SEZ6L: variants seen among roughly 807,000 people sequenced by gnomAD.
SEZ6L encodes seizure 6-like protein.
SEZ6L carries 37 observed loss-of-function variants against 106.2 expected under a neutral mutation model. The observed-to-expected ratio is 0.35, with a 90% CI of 0.27 to 0.46. The LOEUF (loss-of-function observed/expected upper bound fraction) is 0.46, where lower values mean the gene tolerates loss of function less well. SEZ6L is among the 20% of genes least tolerant of loss of function. The pLI, the probability that SEZ6L is intolerant of heterozygous loss-of-function variation, is 1.00. For synonymous variants in SEZ6L, 541 were observed against 570.4 expected (o/e 0.95, Z 0.73); for missense variants, 1,172 against 1,332.8 (o/e 0.88, Z 1.88).
rs1346118410 is a variant in SEZ6L at position 26,375,646 on chromosome 22, A to G, written c.2899A>G (p.Ile967Val). The G allele has an allele frequency of 6.8e-6, 11 of 1,614,112 alleles. No homozygotes were observed. The highest frequency in any genetic ancestry group is 1.1e-5 in the South Asian group (1 of 91,082). Residue 967 changes from isoleucine to valine, a missense_variant, in exon 15 of 17, where the codon ATC becomes GTC. By Grantham distance (29) the Ile-to-Val change is conservative. This residue lies in a region of SEZ6L where 141 missense variants were observed against 176.0 expected (regional missense o/e 0.80). Transcript: ENST00000248933. ...CCTGGCTATCTTCATCCCGGTCCTC[A>G]TCATCTCCTTACTGCTGGGAGGAGC... ...MALAIFIPVL[I>V]ISLLLGGAYI...
intron 9 of SEZ6L, among the ~76,000 whole-genome samples, chr22:26,323,767 TTA>T (rs773113638): frequency 3.8e-4 from 58 of 151,400 alleles, no homozygotes; most frequent in Non-Finnish European, 3.8e-4. Flanking sequence ...CTGGCACACA[TTA>T]TCTCATTGAT....
At chr22:26,316,646 A>T (rs1279558081) in intron 9 of SEZ6L, among the ~76,000 whole-genome samples, 7 of 152,080 alleles carry the variant, frequency 4.6e-5, no homozygotes, top group Admixed American at 4.6e-4. Context: ...AGCCCAGCCA[A>T]CATGGTGAAA....
intron 1 of SEZ6L, among the ~76,000 whole-genome samples, chr22:26,190,898 A>G (rs1403290695): frequency 6.6e-6 from 1 of 152,216 alleles, no homozygotes; most frequent in Non-Finnish European, 1.5e-5. Context: ...AAATGACCCA[A>G]TTGTGAATTA....
chr22:26,178,475 T>C (rs928719179), intron 1 of SEZ6L, among the ~76,000 whole-genome samples: 9 of 152,098 alleles, frequency 5.9e-5, no homozygotes, highest in African/African-American at 2.2e-4. Flanking sequence ...GCTAATGTAG[T>C]TGGTGCCAGC....
intron 12 of SEZ6L, among the ~76,000 whole-genome samples, chr22:26,352,784 A>G (rs1483604001): frequency 6.6e-6 from 1 of 152,202 alleles, no homozygotes; most frequent in African/African-American, 2.4e-5. Flanking sequence ...ACAAAAATGG[A>G]GATGTCTGTT....
chr22:26,268,193 A>T (rs987630006), intron 1 of SEZ6L, among the ~76,000 whole-genome samples: 1 of 152,224 alleles, frequency 6.6e-6, no homozygotes, highest in African/African-American at 2.4e-5. Context: ...AGGTGGGAAG[A>T]TGGATTGGCC....
intron 6 of SEZ6L, 114 bp from the exon 7 acceptor site, chr22:26,310,556 G>A (rs1404008108): frequency 8.6e-7 from 1 of 1,160,474 alleles, no homozygotes; most frequent in African/African-American, 1.6e-5. Flanking sequence ...GGCAGAGTTA[G>A]GTTTGGGATC....
intron 7 of SEZ6L, 47 bp from the exon 8 acceptor site, chr22:26,311,721 G>A (rs369232722): frequency 7.9e-6 from 12 of 1,523,078 alleles, no homozygotes; most frequent in Non-Finnish European, 1.1e-5. Flanking sequence ...GCACCGTGGG[G>A]TAGTCCCTGC....
At chr22:26,213,530 C>G (rs1277834284) in intron 1 of SEZ6L, among the ~76,000 whole-genome samples, 1 of 152,228 alleles carries the variant, frequency 6.6e-6, no homozygotes, top group African/African-American at 2.4e-5. Flanking sequence ...AGTTCATTCA[C>G]AGATCACTAA....
intron 1 of SEZ6L, among the ~76,000 whole-genome samples, chr22:26,283,121 C>CA (rs1423719730): frequency 2.6e-5 from 4 of 152,010 alleles, no homozygotes; most frequent in Admixed American, 6.6e-5. Flanking sequence ...GGGGTTTCAC[C>CA]ATATTGGCCA....
chr22:26,352,712 T>G (rs1197946634), intron 12 of SEZ6L, among the ~76,000 whole-genome samples: 1 of 152,244 alleles, frequency 6.6e-6, no homozygotes, highest in African/African-American at 2.4e-5. Flanking sequence ...GAGCACTTAC[T>G]GTAGGCCAGG....
intron 1 of SEZ6L, among the ~76,000 whole-genome samples, chr22:26,243,083 C>T (rs1451716558): frequency 6.6e-6 from 1 of 152,178 alleles, no homozygotes; most frequent in Non-Finnish European, 1.5e-5. Context: ...TTCTTTGTCT[C>T]TGTGGCCAAA....
At chr22:26,215,227 C>CT (rs2078267126) in intron 1 of SEZ6L, among the ~76,000 whole-genome samples, 1 of 152,168 alleles carries the variant, frequency 6.6e-6, no homozygotes, top group Non-Finnish European at 1.5e-5. Flanking sequence ...AGATGTACTT[C>CT]TTTTTTAAAA....
At chr22:26,239,598 T>A (rs551415630) in intron 1 of SEZ6L, among the ~76,000 whole-genome samples, 2 of 152,136 alleles carry the variant, frequency 1.3e-5, no homozygotes, top group Non-Finnish European at 1.5e-5. Context: ...CTGGGAGGAC[T>A]GATTCAAGAT....
rs1941071947 is a variant in SEZ6L, at chr22:26,203,034, A to G, written c.94+33271A>G. ...TTATCATTGCAGCTCCCACTGGTGGAGCAATTCCTAGAGTTGCTTTGGTGA... is the reference window on the plus strand; with the variant it reads ...TTATCATTGCAGCTCCCACTGGTGGGGCAATTCCTAGAGTTGCTTTGGTGA... On this transcript the variant is annotated intron_variant, in intron 1 of 16. Transcript: ENST00000248933. 3.3e-5 allele frequency among the ~76,000 whole-genome samples: 5 copies of G among 152,346 alleles called. 1 individual carries two copies. The South Asian group carries it at 1.0e-3, about 32-fold the overall frequency.
intron 1 of SEZ6L, chr22:26,244,649 T>A (rs2079265055): frequency 6.6e-6 from 1 of 152,236 alleles, no homozygotes; most frequent in Non-Finnish European, 1.5e-5. Context: ...TGAGGAGGGA[T>A]GTCAAACTCC....
intron 1 of SEZ6L, among the ~76,000 whole-genome samples, chr22:26,194,272 A>G (rs896288541): frequency 1.3e-5 from 2 of 152,214 alleles, no homozygotes; most frequent in African/African-American, 4.8e-5. Context: ...ATTACACAAG[A>G]TAGCACATTC....
chr22:26,256,334 G>A (rs1018937359), intron 1 of SEZ6L, among the ~76,000 whole-genome samples: 32 of 152,326 alleles, frequency 2.1e-4, no homozygotes, highest in African/African-American at 7.2e-4. Flanking sequence ...CCTGAGTGAG[G>A]AGGAAACCAA....
intron 1 of SEZ6L, among the ~76,000 whole-genome samples, chr22:26,220,892 AATGGATGGATGGATGGATGG>A (rs56187164): frequency 1.3e-4 from 20 of 149,248 alleles, no homozygotes; most frequent in African/African-American, 4.5e-4. Flanking sequence ...ATACTGTATG[AATGGATGGATGGATGGATGG>A]ATGGATGGAT....
Sources: gnomAD v4.1 joint callset for allele counts (sites outside exome capture counted in the v4.1 genomes callset) on GRCh38, gnomAD v4.1.1 for gene constraint, gnomAD v4.1.1 regional missense constraint, MANE v1.5 for transcripts, NCBI Gene and HGNC (gene_info 2026-07-23, HGNC 2026-07-21) for gene names.